LRBA: variants seen among roughly 807,000 people sequenced by gnomAD.
LRBA encodes lipopolysaccharide-responsive and beige-like anchor protein.
A neutral mutation model predicts 330.0 loss-of-function variants in LRBA; 176 were observed. That is an observed-to-expected ratio of 0.53 (90% confidence interval 0.47 to 0.60). The LOEUF is 0.60. Ranked by LOEUF, LRBA falls within the 20% of genes least tolerant of loss-of-function variation. LRBA has a pLI of 0.00. For synonymous variants in LRBA, 1,230 were observed against 1,193.0 expected (o/e 1.03, Z -0.64); for missense variants, 3,259 against 3,444.8 (o/e 0.95, Z 1.35).
intron 2 of LRBA, among the ~76,000 whole-genome samples, chr4:150,942,473 T>C (rs2149528957): frequency 6.6e-6 from 1 of 152,286 alleles, no homozygotes; most frequent in African/African-American, 2.4e-5. Flanking sequence ...CATTTTGACC[T>C]CTCCAGCCGA....
chr4:150,401,847 G>T (rs1445279702), intron 47 of LRBA, among the ~76,000 whole-genome samples: 4 of 151,868 alleles, frequency 2.6e-5, no homozygotes, highest in Non-Finnish European at 4.4e-5. Flanking sequence ...AATATTGTGT[G>T]TATATATAAT....
intron 37 of LRBA, among the ~76,000 whole-genome samples, chr4:150,615,672 T>C (rs1046279042): frequency 6.6e-6 from 1 of 152,146 alleles, no homozygotes; most frequent in Non-Finnish European, 1.5e-5. Flanking sequence ...TTTAAACATG[T>C]TTTATTCAGG....
chr4:150,901,986 G>A (rs541398773), intron 13 of LRBA, among the ~76,000 whole-genome samples: 1 of 152,148 alleles, frequency 6.6e-6, no homozygotes, highest in South Asian at 2.1e-4. Context: ...TGGCACATAT[G>A]CTGTCCCTAA....
At position 151,014,746 on chromosome 4, in the gene LRBA, C is replaced by A; in HGVS notation, c.-104G>T. The A allele has an allele frequency of 1.3e-6, 1 of 741,352 alleles. No individual in the cohort carries two copies. The highest frequency in any genetic ancestry group is 2.2e-6 in the Non-Finnish European group (1 of 452,816). 45.9% of individuals were successfully genotyped at this position (741,352 alleles called of 1,614,324 possible). ...AATGCAAAACGAAAGGGTCCCTCTT[C>A]CAACTTGTGGAGATACCCCAAAGCA... On this transcript the variant is annotated 5_prime_UTR_variant, in exon 2 of 57. Transcript: ENST00000651943.
chr4:150,875,712 A>G (rs1021096514), intron 17 of LRBA, among the ~76,000 whole-genome samples: 2 of 152,190 alleles, frequency 1.3e-5, no homozygotes, highest in Non-Finnish European at 2.9e-5. Context: ...AAAAAATAAT[A>G]ATAACATTAC....
intron 33 of LRBA, among the ~76,000 whole-genome samples, chr4:150,805,295 A>AG (rs1368492920): frequency 1.0e-5 from 1 of 99,606 alleles, no homozygotes; most frequent in African/African-American, 4.9e-5. Flanking sequence ...GAAGGAAAGG[A>AG]AAGGAAAGGA....
At chr4:150,857,786 C>T (rs1039773311) in intron 22 of LRBA, among the ~76,000 whole-genome samples, 2 of 152,094 alleles carry the variant, frequency 1.3e-5, no homozygotes, top group Non-Finnish European at 2.9e-5. Flanking sequence ...AAACTTGAAT[C>T]ATTTACACGG....
intron 2 of LRBA, among the ~76,000 whole-genome samples, chr4:150,966,605 C>T (rs1331584135): frequency 1.3e-5 from 2 of 151,334 alleles, no homozygotes; most frequent in Non-Finnish European, 2.9e-5. Flanking sequence ...GGATTACAGG[C>T]GTGAGCCACC....
intron 47 of LRBA, among the ~76,000 whole-genome samples, chr4:150,351,789 T>C (rs969874057): frequency 1.3e-5 from 2 of 152,242 alleles, no homozygotes; most frequent in African/African-American, 4.8e-5. Flanking sequence ...CTGTGAATAG[T>C]ACCAAACCCT....
intron 48 of LRBA, among the ~76,000 whole-genome samples, chr4:150,340,752 C>T (rs547203009): frequency 3.3e-5 from 5 of 152,144 alleles, no homozygotes; most frequent in South Asian, 4.1e-4. Flanking sequence ...AGTGTTTATA[C>T]GTGAATATAT....
intron 37 of LRBA, among the ~76,000 whole-genome samples, chr4:150,636,829 A>G (rs1450588445): frequency 2.0e-5 from 3 of 152,270 alleles, no homozygotes; most frequent in African/African-American, 7.2e-5. Context: ...TAAATTTTGT[A>G]TAAAGATGAA....
At chr4:150,454,084 C>A (rs1284581501) in intron 44 of LRBA, among the ~76,000 whole-genome samples, 1 of 152,084 alleles carries the variant, frequency 6.6e-6, no homozygotes, top group Admixed American at 6.5e-5. Context: ...CCTCAGCCTC[C>A]CAAGTAGCTG....
rs145853877 is a variant in LRBA, at chr4:150,734,183, A to G, written c.5754+1075T>C. On this transcript the variant is annotated intron_variant, in intron 36 of 56. Transcript: ENST00000651943. ...ATACGGCTGGCAGCTAACAATCATC[A>G]TATGCTTTTTTTCTACCTTTACTGA... Among the ~76,000 whole-genome samples, 960 of 152,070 alleles carry G rather than the reference A, an allele frequency of 6.3e-3. 39 individuals are homozygous for G. Among genetic ancestry groups the G allele is most frequent in the Admixed American group, 0.055 (838 of 15,268 alleles).
intron 44 of LRBA, among the ~76,000 whole-genome samples, chr4:150,443,367 TA>T (rs1752082131): frequency 6.6e-6 from 1 of 152,136 alleles, no homozygotes; most frequent in Non-Finnish European, 1.5e-5. Context: ...CAAAGGAATA[TA>T]AATCATGCTG....
At chr4:150,854,542 A>T (rs919336993) in intron 22 of LRBA, among the ~76,000 whole-genome samples, 23 of 152,206 alleles carry the variant, frequency 1.5e-4, no homozygotes, top group South Asian at 4.1e-4. Flanking sequence ...GAAAATAAAC[A>T]CACGAATATG....
intron 21 of LRBA, 85 bp from the exon 22 acceptor site, chr4:150,867,948 GC>G: frequency 8.8e-7 from 1 of 1,142,018 alleles, no homozygotes; most frequent in Non-Finnish European, 1.2e-6. Context: ...AAATAACCCT[GC>G]CCCTCCCTTT....
intron 47 of LRBA, among the ~76,000 whole-genome samples, chr4:150,402,195 T>C (rs910106758): frequency 6.6e-6 from 1 of 151,696 alleles, no homozygotes; most frequent in Non-Finnish European, 1.5e-5. Context: ...TTGGAATTAT[T>C]TGGAAATAAA....
At chr4:150,535,082 C>T (rs1320757750) in intron 40 of LRBA, among the ~76,000 whole-genome samples, 2 of 152,074 alleles carry the variant, frequency 1.3e-5, no homozygotes, top group African/African-American at 4.8e-5. Context: ...ATAATAGTTT[C>T]AATATTTTAC....
At chr4:150,742,330 T>C (rs1485127404) in intron 35 of LRBA, among the ~76,000 whole-genome samples, 1 of 151,898 alleles carries the variant, frequency 6.6e-6, no homozygotes, top group Non-Finnish European at 1.5e-5. Context: ...GGTGGTGTTG[T>C]AGAGACAGGG....
Sources: allele counts gnomAD v4.1 joint callset (sites outside exome capture counted in the v4.1 genomes callset), GRCh38; gene constraint gnomAD v4.1.1; transcripts MANE v1.5; gene names NCBI Gene and HGNC (gene_info 2026-07-23, HGNC 2026-07-21).